ZNF532: variants seen among roughly 807,000 people sequenced by gnomAD.
ZNF532 encodes the protein zinc finger protein 532.
In ZNF532, 22 loss-of-function variants were observed where a neutral mutation model predicts 89.3. The ratio of observed to expected loss-of-function variants is 0.25; its 90% CI spans 0.18 to 0.35. ZNF532 has a LOEUF of 0.35. ZNF532 is among the 10% of genes least tolerant of loss of function. The pLI is 1.00. For missense variants in ZNF532, 1,132 were observed against 1,643.4 expected, an observed-to-expected ratio of 0.69 and a Z score of 5.38; for synonymous variants, 606 against 649.6, an observed-to-expected ratio of 0.93 and a Z score of 1.02.
intron 6 of ZNF532, among the ~76,000 whole-genome samples, chr18:58,951,840 G>A (rs1161900311): frequency 1.3e-5 from 2 of 151,880 alleles, no homozygotes; most frequent in African/African-American, 2.4e-5. Context: ...TAGTAGAGAC[G>A]GGGTTTCACC....
rs770904672 is a variant in ZNF532 at position 58,984,085 on chromosome 18, G to C, written c.3525G>C (p.Lys1175Asn). 6.2e-7 allele frequency: 1 copy of C among 1,611,922 alleles called. No homozygotes were observed. The highest frequency in any genetic ancestry group is 8.5e-7 in the Non-Finnish European group (1 of 1,179,850). Residue 1175 changes from lysine to asparagine, a missense_variant, in exon 10 of 10, where the codon AAG becomes AAC. Physicochemically the swap from Lys to Asn is moderately conservative, Grantham distance 94. This residue lies in a region of ZNF532 where 415 missense variants were observed against 604.8 expected (regional missense o/e 0.69). Coordinates refer to ENST00000591808, the MANE Select transcript of ZNF532 (RefSeq NM_001375912.1). ...AAATCAATGTTTTTAAGGTTCACAAGTGTGCCGTGTGTGGCTTCACCACCG... is the reference window on the plus strand; with the variant it reads ...AAATCAATGTTTTTAAGGTTCACAACTGTGCCGTGTGTGGCTTCACCACCG... ...KLKINVFKVH[K>N]CAVCGFTTEN... is the part of the protein sequence containing the mutation.
chr18:58,867,796 T>C (rs1259383163), intron 2 of ZNF532, among the ~76,000 whole-genome samples: 1 of 152,262 alleles, frequency 6.6e-6, no homozygotes, highest in Non-Finnish European at 1.5e-5. Context: ...TCAATCATTT[T>C]TTCCATGTTA....
chr18:58,914,641 C>T (rs1050437295), intron 2 of ZNF532, among the ~76,000 whole-genome samples: 5 of 152,206 alleles, frequency 3.3e-5, no homozygotes, highest in African/African-American at 1.2e-4. Flanking sequence ...GATCACACTG[C>T]TGTACTCCAG....
chr18:58,947,086 C>T (rs1021354722), intron 5 of ZNF532, among the ~76,000 whole-genome samples: 7 of 152,148 alleles, frequency 4.6e-5, no homozygotes, highest in African/African-American at 1.2e-4. Context: ...TTTTCCTAAG[C>T]GGCTCCTTAG....
chr18:58,922,771 A>G (rs1057177395), intron 3 of ZNF532, among the ~76,000 whole-genome samples: 4 of 152,178 alleles, frequency 2.6e-5, no homozygotes, highest in Non-Finnish European at 2.9e-5. Flanking sequence ...GGTTCTCACT[A>G]TGAGCTGTGT....
intron 2 of ZNF532, among the ~76,000 whole-genome samples, chr18:58,875,904 T>C (rs533059177): frequency 2.0e-5 from 3 of 152,034 alleles, no homozygotes; most frequent in East Asian, 1.9e-4. Context: ...TCTCACACTT[T>C]AGTTTGCATA....
chr18:58,866,134 T>A (rs1262842321), intron 2 of ZNF532, among the ~76,000 whole-genome samples: 1 of 152,168 alleles, frequency 6.6e-6, no homozygotes, highest in Non-Finnish European at 1.5e-5. Context: ...CGCCATTGGA[T>A]TCTTTGTGGC....
chr18:58,932,170 C>T (rs997088336), intron 3 of ZNF532, among the ~76,000 whole-genome samples: 12 of 152,290 alleles, frequency 7.9e-5, no homozygotes, highest in African/African-American at 2.9e-4. Flanking sequence ...GCTGTAGTCC[C>T]TATGCCTCCC....
intron 7 of ZNF532, among the ~76,000 whole-genome samples, chr18:58,969,873 C>CTTTTTTTTTTTTTTTTT (rs10617418): frequency 1.2e-5 from 1 of 84,712 alleles, no homozygotes; most frequent in Non-Finnish European, 2.1e-5. Context: ...ATATTTGTCC[C>CTTTTTTTTTTTTTTTTT]TTTTTTTTTT....
intron 2 of ZNF532, among the ~76,000 whole-genome samples, chr18:58,902,478 A>G (rs2059665050): frequency 6.7e-6 from 1 of 148,516 alleles, no homozygotes; most frequent in Admixed American, 6.7e-5. Context: ...TTCTGACTCC[A>G]GGTGACCCTT....
intron 7 of ZNF532, among the ~76,000 whole-genome samples, chr18:58,968,887 C>G (rs1214569241): frequency 6.6e-6 from 1 of 152,102 alleles, no homozygotes; most frequent in African/African-American, 2.4e-5. Context: ...ATTGGCAGAC[C>G]AGATTTTCAG....
At chr18:58,949,302 T>C (rs1470379270) in intron 6 of ZNF532, among the ~76,000 whole-genome samples, 2 of 152,224 alleles carry the variant, frequency 1.3e-5, no homozygotes, top group East Asian at 3.8e-4. Flanking sequence ...ATAATATCCA[T>C]TGGCTTTCAG....
At chr18:58,920,706 AT>A (rs1360303031) in intron 3 of ZNF532, 73 bp downstream of exon 3, 38 of 1,286,416 alleles carry the variant, frequency 3.0e-5, no homozygotes, top group Non-Finnish European at 3.5e-5. Context: ...GATGCCCTTG[AT>A]TTTAGGGTGG....
Position 58,934,597 on chromosome 18 carries a change from G to A in ZNF532, c.2511G>A (p.Thr837=), listed in dbSNP as rs2062215894. 1.2e-6 allele frequency: 2 copies of A among 1,613,690 alleles called. No homozygotes were observed. The highest frequency in any genetic ancestry group is 4.5e-5 in the East Asian group (2 of 44,884). Residue 837 remains threonine, a synonymous_variant, in exon 4 of 10, where the codon ACG becomes ACA. Transcript: ENST00000591808. ...TCACCAAGAACTGTCTGCACTACAC[G>A]AGGAGAGTTGGTTTTCGGTCAGTAT... ...THVTKNCLHY[T]RRVGFRCVHC... is the part of the protein sequence containing the mutation.
intron 2 of ZNF532, among the ~76,000 whole-genome samples, chr18:58,899,068 G>A (rs1419801062): frequency 6.6e-6 from 1 of 152,232 alleles, no homozygotes; most frequent in Admixed American, 6.5e-5. Flanking sequence ...AGATTGCTGT[G>A]GGGATCCATG....
At chr18:58,938,554 A>T (rs1283963872) in intron 4 of ZNF532, among the ~76,000 whole-genome samples, 1 of 152,222 alleles carries the variant, frequency 6.6e-6, no homozygotes, top group Non-Finnish European at 1.5e-5. Flanking sequence ...TCTTAAACAA[A>T]TGCAAGTGTA....
At chr18:58,958,065 CAAAAAA>C (rs71336311) in intron 7 of ZNF532, among the ~76,000 whole-genome samples, 10 of 124,614 alleles carry the variant, frequency 8.0e-5, no homozygotes, top group Non-Finnish European at 1.4e-4. Context: ...GACAATGTGT[CAAAAAA>C]AAAAAAAAAA....
rs116562873 is a variant in ZNF532 at position 58,973,993 on chromosome 18, G to A, written c.3151-5062G>A. Among the ~76,000 whole-genome samples the A allele has an allele frequency of 3.9e-3, 588 of 152,226 alleles. 1 individual carries two copies. Among genetic ancestry groups the A allele is most frequent in the African/African-American group, 0.013 (540 of 41,534 alleles). On this transcript the variant is annotated intron_variant, in intron 7 of 9. Transcript: ENST00000591808. ...CTAAGAGCGGGGTCGAGGGGGTGGGGTTGATTATAAAGGGCACGTGGGAAT... is the reference window on the plus strand; with the variant it reads ...CTAAGAGCGGGGTCGAGGGGGTGGGATTGATTATAAAGGGCACGTGGGAAT...
intron 2 of ZNF532, among the ~76,000 whole-genome samples, chr18:58,870,212 A>T (rs2056868203): frequency 1.3e-5 from 2 of 152,042 alleles, no homozygotes; most frequent in Admixed American, 6.6e-5. Context: ...GTCATTTAAC[A>T]GATGCTTACT....
Sources: gnomAD v4.1 joint callset for allele counts (sites outside exome capture counted in the v4.1 genomes callset) on GRCh38, gnomAD v4.1.1 for gene constraint, gnomAD v4.1.1 regional missense constraint, MANE v1.5 for transcripts, NCBI Gene and HGNC (gene_info 2026-07-23, HGNC 2026-07-21) for gene names.